KIAA1217: variants seen among roughly 807,000 people sequenced by gnomAD.
The protein encoded by KIAA1217 is sickle tail protein homolog.
A neutral mutation model predicts 163.9 loss-of-function variants in KIAA1217; 88 were observed. That is an observed-to-expected ratio of 0.54 (90% confidence interval 0.45 to 0.64). The LOEUF (loss-of-function observed/expected upper bound fraction) is 0.64, where lower values mean the gene tolerates loss of function less well. KIAA1217 is among the 30% of genes least tolerant of loss of function. KIAA1217 has a pLI of 0.00. For synonymous variants in KIAA1217, 903 were observed against 923.1 expected (o/e 0.98, Z 0.39); for missense variants, 2,372 against 2,475.0 (o/e 0.96, Z 0.88).
intron 1 of KIAA1217, among the ~76,000 whole-genome samples, chr10:23,999,234 C>T (rs188557916): frequency 1.3e-5 from 2 of 152,150 alleles, no homozygotes; most frequent in Non-Finnish European, 2.9e-5. Flanking sequence ...TAGGAAGATT[C>T]AAAAGAACAG....
chr10:24,294,280 A>G (rs181818174), intron 2 of KIAA1217, among the ~76,000 whole-genome samples: 1 of 150,308 alleles, frequency 6.7e-6, no homozygotes, highest in African/African-American at 2.4e-5. Flanking sequence ...TGCTTGGTTC[A>G]GGCAGTTCTG....
intron 2 of KIAA1217, among the ~76,000 whole-genome samples, chr10:24,071,342 C>T (rs534932548): frequency 9.9e-5 from 15 of 152,204 alleles, no homozygotes; most frequent in East Asian, 5.8e-4. Context: ...TATATATTTA[C>T]GACTTTATCC....
intron 1 of KIAA1217, among the ~76,000 whole-genome samples, chr10:23,775,632 C>G (rs944415804): frequency 1.3e-5 from 2 of 152,120 alleles, no homozygotes; most frequent in African/African-American, 4.8e-5. Context: ...GTTAATTATC[C>G]CTTTGTCTAA....
chr10:24,368,026 T>C (rs1365880540), intron 2 of KIAA1217, among the ~76,000 whole-genome samples: 4 of 152,220 alleles, frequency 2.6e-5, no homozygotes, highest in East Asian at 3.8e-4. Context: ...TTGATCTCTT[T>C]TTAGGGTAAC....
chr10:24,499,331 A>C (rs2067215276), intron 8 of KIAA1217, among the ~76,000 whole-genome samples: 1 of 152,246 alleles, frequency 6.6e-6, no homozygotes, highest in Non-Finnish European at 1.5e-5. Flanking sequence ...ACAACAGCAG[A>C]GATGACAAAT....
At chr10:23,730,887 T>C (rs1232488308) in intron 1 of KIAA1217, among the ~76,000 whole-genome samples, 1 of 152,194 alleles carries the variant, frequency 6.6e-6, no homozygotes, top group Non-Finnish European at 1.5e-5. Flanking sequence ...TCAGAAGGCT[T>C]TTTGTTCAGT....
intron 1 of KIAA1217, among the ~76,000 whole-genome samples, chr10:23,745,505 A>G (rs951412145): frequency 1.3e-5 from 2 of 152,202 alleles, no homozygotes; most frequent in African/African-American, 2.4e-5. Context: ...AGAAATTGGC[A>G]ATAGACTTCA....
chr10:24,282,081 A>C (rs2078008442), intron 2 of KIAA1217, among the ~76,000 whole-genome samples: 2 of 151,832 alleles, frequency 1.3e-5, no homozygotes, highest in African/African-American at 2.4e-5. Flanking sequence ...AAGTACCAAT[A>C]ATCTGGCCAG....
intron 2 of KIAA1217, among the ~76,000 whole-genome samples, chr10:24,316,539 TCCACCCCTA>T (rs2043395360): frequency 6.6e-6 from 1 of 152,176 alleles, no homozygotes; most frequent in Admixed American, 6.5e-5. Flanking sequence ...GTGACCCATG[TCCACCCCTA>T]GTGGACTCGA....
intron 3 of KIAA1217, among the ~76,000 whole-genome samples, chr10:24,428,812 A>G (rs1334232549): frequency 6.6e-6 from 1 of 151,308 alleles, no homozygotes; most frequent in Non-Finnish European, 1.5e-5. Flanking sequence ...TGATCATACC[A>G]CTGCACTCCA....
At chr10:23,852,632 T>G (rs1358141983) in intron 1 of KIAA1217, among the ~76,000 whole-genome samples, 4 of 152,368 alleles carry the variant, frequency 2.6e-5, no homozygotes, top group East Asian at 1.9e-4. Context: ...CAATATTGAT[T>G]CTTCCTACCC....
At chr10:23,906,678 T>A (rs1177133675) in intron 1 of KIAA1217, among the ~76,000 whole-genome samples, 1 of 152,004 alleles carries the variant, frequency 6.6e-6, no homozygotes, top group Non-Finnish European at 1.5e-5. Context: ...TGGTGTGGGG[T>A]AAGGAGCCTG....
chr10:24,311,944 G>A (rs1192832062), intron 2 of KIAA1217, among the ~76,000 whole-genome samples: 4 of 152,136 alleles, frequency 2.6e-5, no homozygotes, highest in Non-Finnish European at 4.4e-5. Flanking sequence ...TGAACTCTGT[G>A]GCCCATTGAT....
intron 3 of KIAA1217, among the ~76,000 whole-genome samples, chr10:24,405,948 A>G (rs2057162905): frequency 6.6e-6 from 1 of 152,256 alleles, no homozygotes; most frequent in African/African-American, 2.4e-5. Context: ...TACATTTTAT[A>G]GAATGAAATA....
intron 2 of KIAA1217, among the ~76,000 whole-genome samples, chr10:24,305,559 C>T (rs999285161): frequency 1.3e-5 from 2 of 152,064 alleles, no homozygotes; most frequent in Non-Finnish European, 2.9e-5. Context: ...TAAACTAAAT[C>T]CCCCCCATGG....
intron 3 of KIAA1217, among the ~76,000 whole-genome samples, chr10:24,409,475 C>T (rs997283086): frequency 2.0e-5 from 3 of 151,762 alleles, no homozygotes; most frequent in African/African-American, 7.3e-5. Flanking sequence ...TACAAATGGC[C>T]CAAAGGAACA....
At chr10:24,107,646 C>T (rs1030889435) in intron 2 of KIAA1217, among the ~76,000 whole-genome samples, 3 of 152,062 alleles carry the variant, frequency 2.0e-5, no homozygotes, top group Non-Finnish European at 4.4e-5. Context: ...TGATTTTGAG[C>T]GTTTTTTCAT....
intron 1 of KIAA1217, among the ~76,000 whole-genome samples, chr10:23,954,188 T>C (rs2131360570): frequency 6.6e-6 from 1 of 152,206 alleles, no homozygotes; most frequent in African/African-American, 2.4e-5. Context: ...TTCTAGTAAG[T>C]CAATAGACGG....
At chr10:23,969,161 A>G (rs1275284596) in intron 1 of KIAA1217, among the ~76,000 whole-genome samples, 1 of 152,022 alleles carries the variant, frequency 6.6e-6, no homozygotes, top group African/African-American at 2.4e-5. Context: ...CAGCCTCCCA[A>G]GTAGCTGGGA....
Sources: gnomAD v4.1 joint callset for allele counts (sites outside exome capture counted in the v4.1 genomes callset) on GRCh38, gnomAD v4.1.1 for gene constraint, MANE v1.5 for transcripts, NCBI Gene and HGNC (gene_info 2026-07-23, HGNC 2026-07-21) for gene names.